The following RCC1 variants were observed in gnomAD, a reference collection of about 807,000 sequenced individuals.
RCC1 encodes the protein regulator of chromosome condensation.
A neutral mutation model predicts 44.4 loss-of-function variants in RCC1; 11 were observed. The observed-to-expected ratio is 0.25, with a 90% CI of 0.16 to 0.41. The LOEUF (loss-of-function observed/expected upper bound fraction) is 0.41. RCC1 is among the 10% of genes least tolerant of loss of function. RCC1 has a pLI of 1.00. For missense variants in RCC1, 386 were observed against 547.1 expected (o/e 0.71, Z 2.94); for synonymous variants, 213 against 216.5 (o/e 0.98, Z 0.14).
intron 4 of RCC1, among the ~76,000 whole-genome samples, chr1:28,524,968 C>A (rs2840767): frequency 6.6e-6 from 1 of 152,178 alleles, no homozygotes; most frequent in Non-Finnish European, 1.5e-5. Context: ...CCCAGACACC[C>A]AGTTAAAGAA....
chr1:28,528,592 C>T lies in RCC1; in HGVS notation c.-9-1266C>T, dbSNP rs146120498. Among the ~76,000 whole-genome samples, 426 of 152,090 alleles carry T rather than the reference C, an allele frequency of 2.8e-3. 4 individuals are homozygous for T. Among genetic ancestry groups the T allele is most frequent in the African/African-American group, 9.9e-3 (412 of 41,498 alleles). ...GCAGTGAGCTGAGATCATGCCTGTG[C>T]GCTCCAGCCTGGCGACAGAGTGAGA... On this transcript the variant is annotated intron_variant, in intron 4 of 12. Coordinates refer to ENST00000683442, the MANE Select transcript of RCC1 (RefSeq NM_001381865.2).
rs752749106 is a variant in RCC1, at chr1:28,508,143, C to G, written c.-246C>G. On this transcript the variant is annotated 5_prime_UTR_variant, in exon 2 of 13. Transcript: ENST00000683442. The stretch of plus-strand genomic sequence containing the variant: ...TGTTTTGCAGGATTTGTTAAGGATT[C>G]CAAGTAACTCTTATTTGGTGAGTAA... 21 of 445,186 alleles carry G rather than the reference C, an allele frequency of 4.7e-5. No individual in the cohort carries two copies. The highest frequency in any genetic ancestry group is 9.6e-5 in the Admixed American group (4 of 41,874). The allele number at this position is 445,186 out of a possible 1,614,324, so 27.6% of individuals were successfully genotyped here.
At chr1:28,511,333 C>A (rs1282806095) in intron 3 of RCC1, among the ~76,000 whole-genome samples, 1 of 151,932 alleles carries the variant, frequency 6.6e-6, no homozygotes, top group East Asian at 1.9e-4. Flanking sequence ...GCAGCATGAT[C>A]ACTTATTAAA....
At position 28,520,095 on chromosome 1, in the gene RCC1, C is replaced by T. The variant is rs1018567518; in HGVS notation, c.-10+3228C>T. 5.3e-5 allele frequency among the ~76,000 whole-genome samples: 8 copies of T among 152,270 alleles called. No homozygotes were observed. In the East Asian group the frequency reaches 9.6e-4, roughly 18 times the overall value. On this transcript the variant is annotated intron_variant, in intron 4 of 12. Coordinates refer to ENST00000683442, the MANE Select transcript of RCC1 (RefSeq NM_001381865.2). ...AGGCCCAGGCACAGGTTGTATAGAACGGGGATCCCAGGTGAGAAACTCCTA... is the reference window on the plus strand; with the variant it reads ...AGGCCCAGGCACAGGTTGTATAGAATGGGGATCCCAGGTGAGAAACTCCTA...
intron 1 of RCC1, chr1:28,507,233 C>A: frequency 2.3e-6 from 1 of 430,930 alleles, no homozygotes; most frequent in Non-Finnish European, 4.6e-6. Flanking sequence ...AGTCTAGAAA[C>A]CGATTTTTTT....
intron 5 of RCC1, chr1:28,530,689 G>A: frequency 7.6e-7 from 1 of 1,312,680 alleles, no homozygotes; most frequent in East Asian, 2.5e-5. Flanking sequence ...CTCGGGGGAG[G>A]GGCTGGGCGC....
intron 4 of RCC1, chr1:28,527,026 A>G: frequency 3.6e-6 from 3 of 821,970 alleles, no homozygotes; most frequent in South Asian, 1.3e-5. Context: ...AATAGGGCGC[A>G]TGCTGGGTGA....
Position 28,536,966 on chromosome 1 carries a change from A to G in RCC1, c.1090+67A>G. 6.4e-7 allele frequency: 1 copy of G among 1,565,114 alleles called. No individual in the cohort carries two copies. The highest frequency in any genetic ancestry group is 8.8e-7 in the Non-Finnish European group (1 of 1,142,256). Reference sequence around the variant, plus strand: ...GGTCATGGTTCTTACCCAATTCCCCAATAGGCTGTGATGTCCACTCTCGGG... The same window carrying G: ...GGTCATGGTTCTTACCCAATTCCCCGATAGGCTGTGATGTCCACTCTCGGG... On this transcript the variant is annotated intron_variant, in intron 12 of 12. Coordinates refer to ENST00000683442, the MANE Select transcript of RCC1 (RefSeq NM_001381865.2). The surrounding 1 kb of genome is among the most constrained non-coding windows in gnomAD (Gnocchi z 4.9).
At chr1:28,512,629 T>G (rs1662633601) in intron 3 of RCC1, among the ~76,000 whole-genome samples, 1 of 152,282 alleles carries the variant, frequency 6.6e-6, no homozygotes, top group Non-Finnish European at 1.5e-5. Flanking sequence ...AATGTAGGCA[T>G]TTAGTGCTAT....
At chr1:28,520,812 T>G (rs1454016600) in intron 4 of RCC1, among the ~76,000 whole-genome samples, 1 of 152,132 alleles carries the variant, frequency 6.6e-6, no homozygotes, top group Admixed American at 6.6e-5. Context: ...GCTCGGTGGC[T>G]CACGACTGTA....
chr1:28,529,797 G>A, intron 4 of RCC1, 61 bp from the exon 5 acceptor site: 1 of 1,285,568 alleles, frequency 7.8e-7, no homozygotes, highest in East Asian at 2.3e-5. Context: ...GATAAATATT[G>A]TCTGATTGGC....
At position 28,535,004 on chromosome 1, in the gene RCC1, G is replaced by A. The variant is rs116184327; in HGVS notation, c.442-46G>A. 1.0e-3 allele frequency: 1,542 copies of A among 1,506,546 alleles called. 10 individuals carry two copies. The African/African-American group carries it at 0.018, about 18-fold the overall frequency. 93.3% of individuals were successfully genotyped at this position (1,506,546 alleles called of 1,614,324 possible). On this transcript the variant is annotated intron_variant, in intron 7 of 12. Coordinates refer to ENST00000683442, the MANE Select transcript of RCC1 (RefSeq NM_001381865.2). Reference sequence around the variant, plus strand: ...CTGCCCTTCTGGATTTCACTGGCACGGGGCAGGCAGGACTGGCTGATAAGT... The same window carrying A: ...CTGCCCTTCTGGATTTCACTGGCACAGGGCAGGCAGGACTGGCTGATAAGT...
intron 4 of RCC1, among the ~76,000 whole-genome samples, chr1:28,525,539 A>C (rs1663591126): frequency 6.6e-6 from 1 of 152,248 alleles, no homozygotes; most frequent in South Asian, 2.1e-4. Flanking sequence ...AGGTGAACCC[A>C]GTTCCCTCTA....
chr1:28,516,271 T>C (rs2124618340), intron 3 of RCC1, among the ~76,000 whole-genome samples: 1 of 152,156 alleles, frequency 6.6e-6, no homozygotes, highest in Non-Finnish European at 1.5e-5. Context: ...CCCAGCACTT[T>C]GGGAGGATGA....
At chr1:28,510,244 G>T in intron 3 of RCC1, 1 of 152,464 alleles carries the variant, frequency 6.6e-6, no homozygotes, top group Admixed American at 6.5e-5. Context: ...TGAGGTCAGG[G>T]TTGGTTTGAG....
chr1:28,532,256 A>G lies in RCC1; in HGVS notation c.347A>G (p.Glu116Gly), dbSNP rs775454646. The change falls in exon 7 of 13, where the codon GAG (glutamate) becomes GGG (glycine). Residue 116 changes from glutamate to glycine, a missense_variant. Transcript: ENST00000683442. Reference protein sequence around the residue: ...EGSEMVPGKVELQEKVVQVSA... With the variant: ...EGSEMVPGKVGLQEKVVQVSA... ...TCGGAGATGGTCCCTGGGAAAGTGGAGCTGCAAGAGAAGGTGGTACAGGTG... is the reference window on the plus strand; with the variant it reads ...TCGGAGATGGTCCCTGGGAAAGTGGGGCTGCAAGAGAAGGTGGTACAGGTG... 1 of 1,614,096 alleles carries G rather than the reference A, an allele frequency of 6.2e-7. No individual in the cohort carries two copies. The highest frequency in any genetic ancestry group is 1.1e-5 in the South Asian group (1 of 91,082).
chr1:28,514,851 G>C (rs181441705), intron 3 of RCC1, among the ~76,000 whole-genome samples: 5 of 151,812 alleles, frequency 3.3e-5, no homozygotes, highest in African/African-American at 4.8e-5. Flanking sequence ...GGCAGATCAC[G>C]AGGTCAGAGC....
At chr1:28,516,412 T>C (rs954949582) in intron 3 of RCC1, among the ~76,000 whole-genome samples, 2 of 150,308 alleles carry the variant, frequency 1.3e-5, no homozygotes, top group African/African-American at 4.9e-5. Flanking sequence ...CCTGGGAGGC[T>C]GAGGCAGGAG....
intron 4 of RCC1, 115 bp from the exon 5 acceptor site, chr1:28,529,743 T>C: frequency 2.7e-6 from 2 of 751,166 alleles, no homozygotes. Flanking sequence ...TTTTGAGAAG[T>C]GGAATTGTTG....
Sources: gnomAD v4.1 joint callset for allele counts (sites outside exome capture counted in the v4.1 genomes callset) on GRCh38, gnomAD v4.1.1 for gene constraint, Gnocchi (gnomAD v3.1) non-coding constraint, MANE v1.5 for transcripts, NCBI Gene and HGNC (gene_info 2026-07-23, HGNC 2026-07-21) for gene names.